Variants in XPO4 observed in about 807,000 individuals in gnomAD.
The protein encoded by XPO4 is exportin 4.
In XPO4, 39 loss-of-function variants were observed where a neutral mutation model predicts 143.0. The observed-to-expected ratio is 0.27, with a 90% CI of 0.21 to 0.36. XPO4 has a LOEUF of 0.36. Among genes scored for constraint, XPO4 ranks in the 10% least tolerant of loss-of-function variants. XPO4 has a pLI of 1.00. For synonymous variants in XPO4, 439 were observed against 474.0 expected, an observed-to-expected ratio of 0.93 and a Z score of 0.96; for missense variants, 907 against 1,348.0, an observed-to-expected ratio of 0.67 and a Z score of 5.12.
intron 3 of XPO4, among the ~76,000 whole-genome samples, chr13:20,859,611 C>CA (rs1217701997): frequency 2.9e-5 from 4 of 140,194 alleles, no homozygotes; most frequent in East Asian, 2.1e-4. Context: ...AAAAACAAAC[C>CA]AAAAAAAATA....
rs1434181862 is a variant in XPO4, at chr13:20,821,688, T to C, written c.1173+16A>G. ...TTGTGAAAACTGACACAATTTACTTTAGAATAGTCACTCACCACTTCTTCC... is the reference window on the plus strand; with the variant it reads ...TTGTGAAAACTGACACAATTTACTTCAGAATAGTCACTCACCACTTCTTCC... On this transcript the variant is annotated intron_variant, in intron 9 of 22. Coordinates refer to ENST00000255305, the MANE Select transcript of XPO4 (RefSeq NM_022459.5). 2 of 1,603,676 alleles carry C rather than the reference T, an allele frequency of 1.2e-6. No homozygotes were observed. Among genetic ancestry groups the C allele is most frequent in the African/African-American group, 2.7e-5 (2 of 74,636 alleles).
chr13:20,831,066 TAAA>T (rs549376550), intron 6 of XPO4, among the ~76,000 whole-genome samples: 1 of 151,588 alleles, frequency 6.6e-6, no homozygotes, highest in Admixed American at 6.6e-5. Flanking sequence ...GTATAAGAAA[TAAA>T]AAAAACCATT....
chr13:20,793,532 C>A (rs2059312995), intron 18 of XPO4, among the ~76,000 whole-genome samples: 1 of 152,106 alleles, frequency 6.6e-6, no homozygotes, highest in African/African-American at 2.4e-5. Context: ...ACCTTAATAG[C>A]CCCCCTGCCC....
chr13:20,858,785 C>T (rs561538121), intron 3 of XPO4, among the ~76,000 whole-genome samples: 38 of 151,958 alleles, frequency 2.5e-4, no homozygotes, highest in African/African-American at 8.2e-4. Flanking sequence ...GCAGTAGAAT[C>T]GCTGGAACAC....
At chr13:20,899,835 A>T (rs540044157) in intron 1 of XPO4, among the ~76,000 whole-genome samples, 1 of 152,358 alleles carries the variant, frequency 6.6e-6, no homozygotes, top group Non-Finnish European at 1.5e-5. Flanking sequence ...ATATATTCAG[A>T]CCCACAGATG....
rs562710632 is a variant in XPO4, at chr13:20,784,119, C to T, written c.3259-200G>A. Among the ~76,000 whole-genome samples the T allele has an allele frequency of 9.9e-5, 15 of 152,244 alleles. No individual in the cohort carries two copies. The South Asian group carries it at 2.5e-3, about 25-fold the overall frequency. On this transcript the variant is annotated intron_variant, in intron 22 of 22. Transcript: ENST00000255305. ...TCATCTATCATTTACAACAATGCTT[C>T]GAGACAGGTACTGTTTCTATTCCCA...
intron 6 of XPO4, among the ~76,000 whole-genome samples, chr13:20,828,501 T>A (rs574679073): frequency 5.9e-5 from 9 of 152,308 alleles, no homozygotes; most frequent in Non-Finnish European, 1.2e-4. Flanking sequence ...AACTTTTTTT[T>A]AAGATAATTG....
At chr13:20,807,324 G>T in intron 13 of XPO4, 133 bp downstream of exon 13, 1 of 853,750 alleles carries the variant, frequency 1.2e-6, no homozygotes, top group Non-Finnish European at 1.8e-6. Context: ...GTATTTCAAG[G>T]CTTCTCCAAG....
chr13:20,856,148 G>C (rs2138102645), intron 3 of XPO4, among the ~76,000 whole-genome samples: 1 of 150,742 alleles, frequency 6.6e-6, no homozygotes, highest in South Asian at 2.1e-4. Flanking sequence ...TTAAATATTT[G>C]TAGGGAAAAA....
chr13:20,832,584 C>T (rs2059866340), intron 6 of XPO4, among the ~76,000 whole-genome samples: 1 of 152,142 alleles, frequency 6.6e-6, no homozygotes, highest in South Asian at 2.1e-4. Flanking sequence ...CTATTTTTTA[C>T]CCTACTTCAT....
At chr13:20,844,199 T>C (rs957752780) in intron 4 of XPO4, among the ~76,000 whole-genome samples, 17 of 152,212 alleles carry the variant, frequency 1.1e-4, no homozygotes, top group East Asian at 1.9e-4. Context: ...TAATAAATGT[T>C]GAAGGTATTA....
intron 9 of XPO4, among the ~76,000 whole-genome samples, chr13:20,821,198 T>C (rs1399935596): frequency 2.0e-5 from 3 of 152,178 alleles, no homozygotes; most frequent in Middle Eastern, 3.4e-3. Context: ...TATTAAAGCA[T>C]TATCATCCAA....
At chr13:20,799,041 G>T in intron 16 of XPO4, 124 bp downstream of exon 16, 10 of 942,842 alleles carry the variant, frequency 1.1e-5, no homozygotes, top group Non-Finnish European at 1.5e-5. Context: ...AAAAAAGAAA[G>T]AAAGAAAGAA....
chr13:20,833,964 C>G (rs1323065859), intron 6 of XPO4, among the ~76,000 whole-genome samples: 1 of 152,138 alleles, frequency 6.6e-6, no homozygotes, highest in Non-Finnish European at 1.5e-5. Context: ...AGGACCAGGA[C>G]ACTTTCTTTG....
chr13:20,844,223 G>A (rs552512730), intron 4 of XPO4, among the ~76,000 whole-genome samples: 12 of 152,150 alleles, frequency 7.9e-5, no homozygotes, highest in East Asian at 5.8e-4. Context: ...TGTTTAATTC[G>A]CAGAACAACC....
At position 20,855,703 on chromosome 13, in the gene XPO4, G is replaced by A. The variant is rs201362650; in HGVS notation, c.380C>T (p.Ser127Leu). Residue 127 changes from serine to leucine, a missense_variant, in exon 4 of 23, where the codon TCA (serine) becomes TTA (leucine). By Grantham distance (145) the Ser-to-Leu change is moderately radical. Transcript: ENST00000255305. ...TTTGCAGTCAATTGATTTATCTAAT[G>A]ATCCTCTTTTTACAATTACTGCTAC... ...LAVAVIVKRG[S>L]LDKSIDCKSI... The A allele has an allele frequency of 3.5e-5, 56 of 1,611,824 alleles. No individual in the cohort carries two copies. The highest frequency in any genetic ancestry group is 4.7e-5 in the Non-Finnish European group (55 of 1,179,512).
chr13:20,783,644 GGACAAGA>G lies in XPO4; in HGVS notation c.*71_*77del, dbSNP rs2059165638. ...AAATGGCCAAATGAACTGAGGAATA[GGACAAGA>G]CTCAAGTCAACTTTCAGCAATTCAG... is the stretch of plus-strand genomic sequence containing the variant. On this transcript the variant is annotated 3_prime_UTR_variant, in exon 23 of 23. Coordinates refer to ENST00000255305, the MANE Select transcript of XPO4 (RefSeq NM_022459.5). The G allele has an allele frequency of 2.7e-6, 4 of 1,498,618 alleles. No individual in the cohort carries two copies. The African/African-American group carries it at 5.5e-5, about 21-fold the overall frequency. The allele number at this position is 1,498,618 out of a possible 1,614,324, so 92.8% of individuals were successfully genotyped here.
Position 20,807,542 on chromosome 13 carries a change from T to G in XPO4, c.1732A>C (p.Ile578Leu). ...CCCAAAATTTGAAGTGTTGTATTAA[T>G]GTCAACTTCAGATGAATGCTTAATG... The part of the protein sequence containing the change: ...YSIKHSSEVD[I>L]NTTLQILGSP... Residue 578 changes from isoleucine (I) to leucine (L), a missense_variant, in exon 13 of 23, where the codon ATT becomes CTT. Physicochemically the swap from Ile to Leu is conservative, Grantham distance 5 (BLOSUM62 2). Transcript: ENST00000255305. 6.2e-7 allele frequency: 1 copy of G among 1,613,750 alleles called. No individual in the cohort carries two copies. Among genetic ancestry groups the G allele is most frequent in the South Asian group, 1.1e-5 (1 of 91,014 alleles).
In XPO4 at chr13:20,780,721, G is replaced by A. The variant is rs1256342319; in HGVS notation, c.*3001C>T. 6.6e-6 allele frequency: 1 copy of A among 152,172 alleles called. No homozygotes were observed. Among genetic ancestry groups the A allele is most frequent in the Non-Finnish European group, 1.5e-5 (1 of 68,036 alleles). 9.4% of individuals were successfully genotyped at this position (152,172 alleles called of 1,614,324 possible). On this transcript the variant is annotated 3_prime_UTR_variant, in exon 23 of 23. Transcript: ENST00000255305. ...ACTTTACACCAGACAAAAACTCAATGCAGTGATGTTAACATGCTACTGTCT... is the reference window on the plus strand; with the variant it reads ...ACTTTACACCAGACAAAAACTCAATACAGTGATGTTAACATGCTACTGTCT...
Sources: gnomAD v4.1 joint callset for allele counts (sites outside exome capture counted in the v4.1 genomes callset) on GRCh38, gnomAD v4.1.1 for gene constraint, MANE v1.5 for transcripts, NCBI Gene and HGNC (gene_info 2026-07-23, HGNC 2026-07-21) for gene names.